Variants in RPSA2 observed in about 807,000 individuals in gnomAD.
RPSA2 encodes the protein ribosomal protein SA 2, also known as small ribosomal subunit protein uS2B.
the RPSA2 span, chr19:23,833,258 C>A: frequency 4.2e-6 from 4 of 943,120 alleles, no homozygotes; most frequent in South Asian, 4.9e-5. Context: ...TTAATCCTTA[C>A]AACTTAATGC....
At chr19:23,805,321 C>T in the RPSA2 span, among the ~76,000 whole-genome samples, 1 of 151,994 alleles carries the variant, frequency 6.6e-6, no homozygotes, top group Non-Finnish European at 1.5e-5. Context: ...TGTGCCACCA[C>T]GCCCTGCTAA....
chr19:23,814,476 A>T, the RPSA2 span, among the ~76,000 whole-genome samples: 1 of 152,106 alleles, frequency 6.6e-6, no homozygotes, highest in African/African-American at 2.4e-5. Flanking sequence ...TCAGTACCAC[A>T]TTGTGTTTGT....
the RPSA2 span, among the ~76,000 whole-genome samples, chr19:23,779,185 A>G: frequency 1.3e-5 from 2 of 151,656 alleles, no homozygotes; most frequent in South Asian, 2.1e-4. Context: ...TATTTTTAGT[A>G]GAGGCGGGGT....
chr19:23,849,760 T>A, the RPSA2 span, among the ~76,000 whole-genome samples: 1 of 152,144 alleles, frequency 6.6e-6, no homozygotes, highest in South Asian at 2.1e-4. Context: ...TGGTGCCCAG[T>A]CTATTACTAA....
the RPSA2 span, chr19:23,833,348 T>C: frequency 1.3e-5 from 4 of 315,470 alleles, no homozygotes; most frequent in Non-Finnish European, 1.4e-5. Flanking sequence ...CTCAATTCTT[T>C]ACAGACATAA....
At chr19:23,835,659 T>C in the RPSA2 span, among the ~76,000 whole-genome samples, 161 of 152,170 alleles carry the variant, frequency 1.1e-3, no homozygotes, top group African/African-American at 3.7e-3. Context: ...TCTTTTGAGA[T>C]AGAGTCTTGC....
At chr19:23,797,468 A>G in the RPSA2 span, among the ~76,000 whole-genome samples, 3 of 152,074 alleles carry the variant, frequency 2.0e-5, no homozygotes, top group Admixed American at 1.3e-4. Flanking sequence ...CCTTAATTTC[A>G]TTATTTATCA....
At chr19:23,859,427 G>A in the RPSA2 span, among the ~76,000 whole-genome samples, 2 of 152,098 alleles carry the variant, frequency 1.3e-5, no homozygotes, top group Non-Finnish European at 2.9e-5. Flanking sequence ...TCAGGAGTTC[G>A]AGACCAGCCT....
At chr19:23,780,558 G>A in the RPSA2 span, among the ~76,000 whole-genome samples, 1 of 152,162 alleles carries the variant, frequency 6.6e-6, no homozygotes, top group African/African-American at 2.4e-5. Flanking sequence ...CAGGAGAATG[G>A]CATGAACCTG....
At chr19:23,816,944 CTT>C in the RPSA2 span, among the ~76,000 whole-genome samples, 3 of 152,184 alleles carry the variant, frequency 2.0e-5, no homozygotes, top group African/African-American at 4.8e-5. Flanking sequence ...AAAGATGAGA[CTT>C]GGGTTGGGAC....
the RPSA2 span, among the ~76,000 whole-genome samples, chr19:23,765,785 ATT>A: frequency 7.2e-5 from 11 of 152,168 alleles, no homozygotes; most frequent in Non-Finnish European, 2.9e-5. Context: ...TAAAAAAATA[ATT>A]TGTTAGCTTT....
At chr19:23,780,733 C>T in the RPSA2 span, among the ~76,000 whole-genome samples, 6 of 152,180 alleles carry the variant, frequency 3.9e-5, no homozygotes, top group African/African-American at 1.4e-4. Flanking sequence ...ATCATGGGTC[C>T]AGAGCAGCAC....
At chr19:23,811,006 CT>C in the RPSA2 span, among the ~76,000 whole-genome samples, 553 of 130,416 alleles carry the variant, frequency 4.2e-3, 3 homozygotes, top group African/African-American at 0.012. Context: ...CTTAAAGGCA[CT>C]TTTTTTTTTT....
the RPSA2 span, among the ~76,000 whole-genome samples, chr19:23,857,074 C>T: frequency 6.6e-6 from 1 of 152,128 alleles, no homozygotes; most frequent in African/African-American, 2.4e-5. Context: ...TCGCATAGAA[C>T]AGACATTCCC....
At chr19:23,794,429 T>C in the RPSA2 span, among the ~76,000 whole-genome samples, 2 of 152,250 alleles carry the variant, frequency 1.3e-5, no homozygotes, top group Non-Finnish European at 2.9e-5. Flanking sequence ...TTTCTTTGCA[T>C]TTCTCTAATG....
the RPSA2 span, among the ~76,000 whole-genome samples, chr19:23,848,055 G>T: frequency 1.3e-5 from 2 of 152,130 alleles, no homozygotes; most frequent in Non-Finnish European, 2.9e-5. Flanking sequence ...AAACACGCAT[G>T]TTTTACAATC....
the RPSA2 span, among the ~76,000 whole-genome samples, chr19:23,783,283 C>A: frequency 6.6e-6 from 1 of 151,854 alleles, no homozygotes; most frequent in Non-Finnish European, 1.5e-5. Flanking sequence ...TTGATAGAGA[C>A]GGGGCTTCTC....
chr19:23,764,310 T>C, the RPSA2 span, among the ~76,000 whole-genome samples: 2 of 152,230 alleles, frequency 1.3e-5, no homozygotes, highest in African/African-American at 4.8e-5. Flanking sequence ...CCACTTTCTT[T>C]CCTACATTCT....
At chr19:23,860,674 C>T in the RPSA2 span, among the ~76,000 whole-genome samples, 1 of 152,096 alleles carries the variant, frequency 6.6e-6, no homozygotes, top group African/African-American at 2.4e-5. Context: ...TATTGCTTTC[C>T]ACTATTATTT....
Sources: gnomAD v4.1 joint callset for allele counts (sites outside exome capture counted in the v4.1 genomes callset) on GRCh38, gnomAD v4.1.1 for gene constraint, MANE v1.5 for transcripts, NCBI Gene and HGNC (gene_info 2026-07-23, HGNC 2026-07-21) for gene names.